TPRG1: variants seen among roughly 807,000 people sequenced by gnomAD.
TPRG1 encodes tumor protein p63-regulated gene 1 protein.
Under a neutral mutation model 29.3 loss-of-function variants are expected in TPRG1, and 29 were observed. The ratio of observed to expected loss-of-function variants is 0.99; its 90% confidence interval spans 0.74 to 1.35. The LOEUF is 1.35. Among genes scored for constraint, TPRG1 ranks in the 40% most tolerant of loss-of-function variants. The pLI is 0.00. For missense variants in TPRG1, 327 were observed against 335.0 expected (o/e 0.98, Z 0.19); for synonymous variants, 130 against 116.8 (o/e 1.11, Z -0.73).
intron 4 of TPRG1, among the ~76,000 whole-genome samples, chr3:189,149,926 T>G (rs963836006): frequency 6.6e-6 from 1 of 152,234 alleles, no homozygotes; most frequent in African/African-American, 2.4e-5. Flanking sequence ...GTTTTCCACA[T>G]GGTTGAATAA....
intron 3 of TPRG1, among the ~76,000 whole-genome samples, chr3:189,146,767 A>G (rs1252312469): frequency 6.6e-6 from 1 of 152,246 alleles, no homozygotes; most frequent in East Asian, 1.9e-4. Context: ...TGAAAGCAAT[A>G]TGCATCTCAT....
At chr3:189,171,525 A>T (rs1277609099), upstream of TPRG1, among the ~76,000 whole-genome samples, 1 of 152,272 alleles carries the variant, frequency 6.6e-6, no homozygotes, top group Non-Finnish European at 1.5e-5. Context: ...ATTTCCTAAT[A>T]GGAATACTGA....
chr3:189,166,586 A>C (rs767670728), intron 5 of TPRG1, among the ~76,000 whole-genome samples: 30 of 152,200 alleles, frequency 2.0e-4, no homozygotes, highest in Admixed American at 3.3e-4. Context: ...GAAATGCATA[A>C]TACCTTTTAT....
chr3:189,200,647 T>G (rs1170247378), intron 1 of TPRG1, among the ~76,000 whole-genome samples: 1 of 152,184 alleles, frequency 6.6e-6, no homozygotes, highest in Non-Finnish European at 1.5e-5. Context: ...CCATAGACTT[T>G]TCTAAGTTCC....
chr3:189,305,527 T>C (rs1364037854), intron 4 of TPRG1, among the ~76,000 whole-genome samples: 1 of 152,234 alleles, frequency 6.6e-6, no homozygotes, highest in African/African-American at 2.4e-5. Context: ...TCAGCATGTC[T>C]TTGCTTTTTT....
chr3:189,230,449 T>C (rs1293587700), intron 3 of TPRG1, among the ~76,000 whole-genome samples: 3 of 152,002 alleles, frequency 2.0e-5, no homozygotes, highest in African/African-American at 7.3e-5. Flanking sequence ...AAAAAATGTG[T>C]TGTGTCCCTG....
At chr3:189,148,794 A>C (rs1021243593) in intron 4 of TPRG1, among the ~76,000 whole-genome samples, 1 of 152,242 alleles carries the variant, frequency 6.6e-6, no homozygotes, top group Non-Finnish European at 1.5e-5. Flanking sequence ...TCATTACTTG[A>C]AATCACCTGT....
intron 2 of TPRG1, among the ~76,000 whole-genome samples, chr3:189,130,503 A>G (rs1171563516): frequency 6.6e-6 from 1 of 152,260 alleles, no homozygotes; most frequent in Non-Finnish European, 1.5e-5. Context: ...ATGGCCTGGC[A>G]TGGTCAAAAC....
chr3:189,167,265 C>G (rs1728278337), upstream of TPRG1, among the ~76,000 whole-genome samples: 1 of 152,158 alleles, frequency 6.6e-6, no homozygotes, highest in Non-Finnish European at 1.5e-5. Flanking sequence ...ATGAGTCAGA[C>G]CTCCCATCCA....
chr3:189,129,295 A>T (rs962247702), intron 2 of TPRG1, among the ~76,000 whole-genome samples: 1 of 152,006 alleles, frequency 6.6e-6, no homozygotes, highest in Non-Finnish European at 1.5e-5. Flanking sequence ...AATGTCCTTC[A>T]ATTTTGGTTT....
At chr3:189,137,495 G>T (rs1341012295) in intron 3 of TPRG1, among the ~76,000 whole-genome samples, 1 of 152,164 alleles carries the variant, frequency 6.6e-6, no homozygotes, top group Non-Finnish European at 1.5e-5. Context: ...GTTGTACAGA[G>T]CAGTGTTTGA....
intron 3 of TPRG1, among the ~76,000 whole-genome samples, chr3:189,140,277 G>A (rs1319789832): frequency 2.6e-5 from 4 of 152,180 alleles, no homozygotes; most frequent in Non-Finnish European, 5.9e-5. Context: ...GTAGGCTCCT[G>A]AAGTGGATGG....
chr3:189,058,067 A>T (rs1046560226), intron 4 of TPRG1, among the ~76,000 whole-genome samples: 1 of 151,984 alleles, frequency 6.6e-6, no homozygotes, highest in Non-Finnish European at 1.5e-5. Flanking sequence ...TCCTCTGCAT[A>T]GTGAGTTAAT....
intron 2 of TPRG1, among the ~76,000 whole-genome samples, chr3:189,214,004 T>C (rs78840663): frequency 6.6e-6 from 1 of 152,160 alleles, no homozygotes; most frequent in Non-Finnish European, 1.5e-5. Context: ...TTTATAGATA[T>C]GTCATTTTGT....
Position 189,066,416 on chromosome 3 carries a change from TA to T in TPRG1, c.-463+42472del, listed in dbSNP as rs1237360316. Among the ~76,000 whole-genome samples the T allele has an allele frequency of 2.0e-5, 3 of 152,064 alleles. No individual in the cohort carries two copies. The East Asian group carries it at 5.8e-4, about 29-fold the overall frequency. ...CTAATAAACATTGAGCAGAAATTCT[TA>T]ATATAATACTAGCAAACTGACTTCG... On this transcript the variant is annotated intron_variant, in intron 4 of 10. Transcript: ENST00000433971.
At chr3:189,158,044 G>A (rs1017198438) in intron 5 of TPRG1, among the ~76,000 whole-genome samples, 5 of 152,056 alleles carry the variant, frequency 3.3e-5, no homozygotes, top group Non-Finnish European at 5.9e-5. Context: ...TGCTTCTCAC[G>A]GGGAGCACGT....
chr3:189,275,787 G>A (rs1716031469), intron 4 of TPRG1, among the ~76,000 whole-genome samples: 2 of 151,998 alleles, frequency 1.3e-5, no homozygotes, highest in Admixed American at 6.6e-5. Context: ...ATGAGGAAGG[G>A]CATCCAATTG....
Position 189,071,818 on chromosome 3 carries a change from A to T in TPRG1, c.-463+47872A>T, listed in dbSNP as rs1716827868. 2.0e-5 allele frequency among the ~76,000 whole-genome samples: 3 copies of T among 152,222 alleles called. No individual in the cohort carries two copies. The South Asian group carries it at 6.2e-4, about 32-fold the overall frequency. On this transcript the variant is annotated intron_variant, in intron 4 of 10. Transcript: ENST00000433971. ...TATAATGAAGGTTTCTAAGGTTCGA[A>T]ATCTGCTAATTAGCTTGTGTGTTCA...
At position 189,202,254 on chromosome 3, in the gene TPRG1, A is replaced by G. The variant is rs139720455; in HGVS notation, c.-9-5122A>G. ...TTCTGTAGGACAGAAATCTTTCAGT[A>G]TGTGGTGGAGCAGAATCCTCGATGA... On this transcript the variant is annotated intron_variant, in intron 1 of 5. Transcript: ENST00000345063. Among the ~76,000 whole-genome samples, 68 of 152,280 alleles carry G rather than the reference A, an allele frequency of 4.5e-4. 2 individuals carry two copies. Among genetic ancestry groups the G allele is most frequent in the African/African-American group, 1.5e-3 (63 of 41,558 alleles).
Sources: allele counts gnomAD v4.1 joint callset (sites outside exome capture counted in the v4.1 genomes callset), GRCh38; gene constraint gnomAD v4.1.1; transcripts MANE v1.5; gene names NCBI Gene and HGNC (gene_info 2026-07-23, HGNC 2026-07-21).